Variants in BTRC observed in about 807,000 individuals in gnomAD.
The protein encoded by BTRC is beta-transducin repeat containing E3 ubiquitin protein ligase.
BTRC carries 42 observed loss-of-function variants against 85.5 expected under a neutral mutation model. That is an observed-to-expected ratio of 0.49 (90% CI 0.38 to 0.64). The LOEUF (loss-of-function observed/expected upper bound fraction) is 0.64. Among genes scored for constraint, BTRC ranks in the 30% least tolerant of loss-of-function variants. BTRC has a pLI of 0.00. For missense variants in BTRC, 594 were observed against 743.5 expected, an observed-to-expected ratio of 0.80 and a Z score of 2.34; for synonymous variants, 255 against 263.3, an observed-to-expected ratio of 0.97 and a Z score of 0.30.
intron 4 of BTRC, among the ~76,000 whole-genome samples, chr10:101,485,827 C>T (rs893162046): frequency 1.1e-4 from 16 of 152,010 alleles, no homozygotes; most frequent in African/African-American, 3.9e-4. Context: ...GTGTCTTCCT[C>T]AGTGAAAAGG....
intron 1 of BTRC, among the ~76,000 whole-genome samples, chr10:101,359,707 T>G (rs1942146331): frequency 6.6e-6 from 1 of 151,910 alleles, no homozygotes; most frequent in Admixed American, 6.6e-5. Context: ...TTCAAGTGAT[T>G]CTCCTTCCTC....
At chr10:101,397,400 T>C (rs1943391432) in intron 1 of BTRC, among the ~76,000 whole-genome samples, 1 of 152,168 alleles carries the variant, frequency 6.6e-6, no homozygotes. Context: ...AAGTAAATAG[T>C]GTAAGAAAAG....
intron 11 of BTRC, 79 bp from the exon 12 acceptor site, chr10:101,536,464 A>G: frequency 2.0e-6 from 2 of 992,470 alleles, no homozygotes; most frequent in Non-Finnish European, 3.2e-6. Flanking sequence ...TTTAGAAGGC[A>G]TATGAGGTGT....
chr10:101,406,804 G>A (rs1382054263), intron 1 of BTRC, among the ~76,000 whole-genome samples: 3 of 152,124 alleles, frequency 2.0e-5, no homozygotes, highest in Non-Finnish European at 1.5e-5. Flanking sequence ...AAAGTGCTGG[G>A]ATTACAGGCG....
chr10:101,459,556 C>T (rs1347088133), intron 2 of BTRC, among the ~76,000 whole-genome samples: 2 of 152,114 alleles, frequency 1.3e-5, no homozygotes, highest in African/African-American at 4.8e-5. Flanking sequence ...TTGGGTTAAT[C>T]TGTATTAAAA....
At chr10:101,484,714 C>G (rs1451407406) in intron 4 of BTRC, among the ~76,000 whole-genome samples, 2 of 152,148 alleles carry the variant, frequency 1.3e-5, no homozygotes, top group Non-Finnish European at 2.9e-5. Context: ...AAGATATAAC[C>G]ACGTCATTGA....
Position 101,385,615 on chromosome 10 carries a change from CTTCTT to C in BTRC, c.48+31390_48+31394del, listed in dbSNP as rs1225436216. 4.3e-4 allele frequency among the ~76,000 whole-genome samples: 21 copies of C among 48,902 alleles called. 1 individual carries two copies. In the East Asian group the frequency reaches 7.9e-3, roughly 18 times the overall value. 32.1% of individuals were successfully genotyped at this position (48,902 alleles called of 152,430 possible). A position where few individuals can be genotyped will look rare whatever the true frequency, so the allele number is the denominator to read the frequency against. On this transcript the variant is annotated intron_variant, in intron 1 of 14. Coordinates refer to ENST00000370187, the MANE Select transcript of BTRC (RefSeq NM_033637.4). Reference sequence around the variant, plus strand: ...TTTTCTTTGTTCTTTCTTTCTTCTTCTTCTTTTTTTTTTTTTTTGTGTGTTCTTCT... The same window carrying C: ...TTTTCTTTGTTCTTTCTTTCTTCTTCTTTTTTTTTTTTTGTGTGTTCTTCT...
Position 101,521,506 on chromosome 10 carries a change from G to A in BTRC, c.325-133G>A, listed in dbSNP as rs544823353. Reference sequence around the variant, plus strand: ...CTATGGTATTTCTGTGGTTTTCCACGTAATTGCTAATAGAATAACAGAGTG... The same window carrying A: ...CTATGGTATTTCTGTGGTTTTCCACATAATTGCTAATAGAATAACAGAGTG... On this transcript the variant is annotated intron_variant, in intron 4 of 14. Coordinates refer to ENST00000370187, the MANE Select transcript of BTRC (RefSeq NM_033637.4). 516 of 653,796 alleles carry A rather than the reference G, an allele frequency of 7.9e-4. 3 individuals carry two copies. Among genetic ancestry groups the A allele is most frequent in the African/African-American group, 7.6e-3 (418 of 54,888 alleles). 40.5% of individuals were successfully genotyped at this position (653,796 alleles called of 1,614,324 possible).
In BTRC at chr10:101,534,065, TCA is replaced by T. The variant is rs1362286648; in HGVS notation, c.1098-591_1098-590del. 2.0e-5 allele frequency among the ~76,000 whole-genome samples: 3 copies of T among 152,216 alleles called. No homozygotes were observed. In the East Asian group the frequency reaches 5.8e-4, roughly 29 times the overall value. On this transcript the variant is annotated intron_variant, in intron 9 of 14. Coordinates refer to ENST00000370187, the MANE Select transcript of BTRC (RefSeq NM_033637.4). Reference sequence around the variant, plus strand: ...AAAATAGAATAATCAAAATATATAATCACACAAAATTCTCAAGCTATCCAAGG... The same window carrying T: ...AAAATAGAATAATCAAAATATATAATCACAAAATTCTCAAGCTATCCAAGG...
intron 4 of BTRC, among the ~76,000 whole-genome samples, chr10:101,486,017 CG>C (rs1945975707): frequency 6.6e-6 from 1 of 152,112 alleles, no homozygotes; most frequent in Admixed American, 6.6e-5. Context: ...GTGCGATCTG[CG>C]GGGCTGTAAT....
chr10:101,472,275 C>CTCCTCTTCTCTTCTCTTCTCTTCTCT (rs1945546584), intron 3 of BTRC, among the ~76,000 whole-genome samples: 1 of 114,244 alleles, frequency 8.8e-6, no homozygotes, highest in Non-Finnish European at 1.9e-5. Context: ...TTTTCTTTTC[C>CTCCTCTTCTCTTCTCTTCTCTTCTCT]TCTCTTCTCT....
At position 101,521,880 on chromosome 10, in the gene BTRC, C is replaced by G. The variant is rs1197329816; in HGVS notation, c.556+10C>G. The G allele has an allele frequency of 6.3e-7, 1 of 1,583,732 alleles. No individual in the cohort carries two copies. The highest frequency in any genetic ancestry group is 1.4e-5 in the African/African-American group (1 of 74,060). Reference sequence around the variant, plus strand: ...ATAACTGCTCTGCCAGGTATGTCTACAAGTGTTTGTAAACCATTAATTTGC... The same window carrying G: ...ATAACTGCTCTGCCAGGTATGTCTAGAAGTGTTTGTAAACCATTAATTTGC... On this transcript the variant is annotated intron_variant, in intron 5 of 14. Coordinates refer to ENST00000370187, the MANE Select transcript of BTRC (RefSeq NM_033637.4).
intron 13 of BTRC, among the ~76,000 whole-genome samples, chr10:101,538,692 A>C (rs970770465): frequency 2.6e-5 from 4 of 152,116 alleles, no homozygotes; most frequent in African/African-American, 9.7e-5. Context: ...GGGAGAGAGA[A>C]TATAATTATT....
chr10:101,532,020 T>C (rs1191935068), intron 7 of BTRC, among the ~76,000 whole-genome samples: 1 of 152,256 alleles, frequency 6.6e-6, no homozygotes, highest in African/African-American at 2.4e-5. Context: ...GTAGCTTTTC[T>C]TCTCTTGATG....
chr10:101,490,288 TC>T (rs1243720560), intron 4 of BTRC, among the ~76,000 whole-genome samples: 1 of 151,780 alleles, frequency 6.6e-6, no homozygotes, highest in Non-Finnish European at 1.5e-5. Context: ...TCCTTCCTTT[TC>T]AGTTTTATAC....
chr10:101,535,416 C>G lies in BTRC; in HGVS notation c.1410C>G (p.Ala470=), dbSNP rs759505534. 1 of 1,614,090 alleles carries G rather than the reference C, an allele frequency of 6.2e-7. No homozygotes were observed. The highest frequency in any genetic ancestry group is 1.1e-5 in the South Asian group (1 of 91,074). ...RTLNGHKRGI[A]CLQYRDRLVV... ...TAAATGGACACAAACGAGGCATTGC[C>G]TGTTTGCAGTACAGGGACAGGCTGG... is the stretch of plus-strand genomic sequence containing the variant. The change falls in exon 11 of 15, where the codon GCC becomes GCG. Residue 470 remains alanine (A), a synonymous_variant. Coordinates refer to ENST00000370187, the MANE Select transcript of BTRC (RefSeq NM_033637.4).
intron 3 of BTRC, among the ~76,000 whole-genome samples, chr10:101,475,300 G>A (rs909384414): frequency 2.0e-5 from 3 of 152,184 alleles, no homozygotes; most frequent in African/African-American, 7.2e-5. Context: ...AGCACTTTGG[G>A]AGGCCAAGGC....
chr10:101,392,171 G>A (rs1399921429), intron 1 of BTRC, among the ~76,000 whole-genome samples: 3 of 152,212 alleles, frequency 2.0e-5, no homozygotes, highest in Middle Eastern at 3.4e-3. Context: ...ATAGCGACTG[G>A]GTTTCACCAT....
At chr10:101,446,240 G>A (rs887703808) in intron 2 of BTRC, among the ~76,000 whole-genome samples, 5 of 151,786 alleles carry the variant, frequency 3.3e-5, no homozygotes, top group South Asian at 2.1e-4. Flanking sequence ...CTGTGGAAAC[G>A]GAAAAATCCT....
Sources: gnomAD v4.1 joint callset for allele counts (sites outside exome capture counted in the v4.1 genomes callset) on GRCh38, gnomAD v4.1.1 for gene constraint, MANE v1.5 for transcripts, NCBI Gene and HGNC (gene_info 2026-07-23, HGNC 2026-07-21) for gene names.